The following YTHDC2 variants were observed in gnomAD, a reference collection of about 807,000 sequenced individuals.
YTHDC2 encodes the protein 3'-5' RNA helicase YTHDC2.
A neutral mutation model predicts 174.9 loss-of-function variants in YTHDC2; 45 were observed. That is an observed-to-expected ratio of 0.26 (90% CI 0.20 to 0.33). The LOEUF is 0.33. YTHDC2 is among the 10% of genes least tolerant of loss of function. The probability of loss-of-function intolerance (pLI) is 1.00; values close to 1 mark genes in which losing one functional copy is unlikely to be tolerated. For missense variants in YTHDC2, 1,650 were observed against 1,723.7 expected, an observed-to-expected ratio of 0.96 and a Z score of 0.76; for synonymous variants, 657 against 574.5, an observed-to-expected ratio of 1.14 and a Z score of -2.05.
At chr5:113,541,340 C>T (rs547525873) in intron 9 of YTHDC2, among the ~76,000 whole-genome samples, 19 of 151,922 alleles carry the variant, frequency 1.3e-4, no homozygotes, top group Non-Finnish European at 2.4e-4. Context: ...TATAGGCGCC[C>T]GCCACCATGT....
At chr5:113,587,618 A>G (rs1220694279) in intron 26 of YTHDC2, among the ~76,000 whole-genome samples, 1 of 146,476 alleles carries the variant, frequency 6.8e-6, no homozygotes, top group East Asian at 1.9e-4. Context: ...TATTATATAT[A>G]TATTTGCCAG....
At chr5:113,549,631 T>C (rs1167302303) in intron 12 of YTHDC2, among the ~76,000 whole-genome samples, 2 of 152,156 alleles carry the variant, frequency 1.3e-5, no homozygotes, top group African/African-American at 4.8e-5. Flanking sequence ...CAAATCTTTG[T>C]TCAGATTTTG....
intron 16 of YTHDC2, among the ~76,000 whole-genome samples, chr5:113,554,530 A>T (rs1776471464): frequency 6.6e-6 from 1 of 151,998 alleles, no homozygotes; most frequent in African/African-American, 2.4e-5. Context: ...AAATAGATAA[A>T]CCATGGGATA....
At chr5:113,529,833 T>C (rs1774532827) in intron 4 of YTHDC2, among the ~76,000 whole-genome samples, 1 of 152,220 alleles carries the variant, frequency 6.6e-6, no homozygotes, top group African/African-American at 2.4e-5. Context: ...TCAGTAGTTT[T>C]ACATTTTTAT....
At chr5:113,566,908 T>C (rs1004746545) in intron 21 of YTHDC2, among the ~76,000 whole-genome samples, 184 bp from the exon 22 acceptor site, 1 of 152,204 alleles carries the variant, frequency 6.6e-6, no homozygotes, top group Non-Finnish European at 1.5e-5. Flanking sequence ...ATGTTGGTTC[T>C]GTATCTGTTT....
intron 2 of YTHDC2, among the ~76,000 whole-genome samples, chr5:113,515,866 T>C (rs1034280668): frequency 3.3e-5 from 5 of 152,206 alleles, no homozygotes; most frequent in African/African-American, 1.2e-4. Flanking sequence ...ATGGAAGATA[T>C]GTGTTCTTTT....
At chr5:113,583,962 C>G (rs951780629) in intron 25 of YTHDC2, 2 of 162,934 alleles carry the variant, frequency 1.2e-5, no homozygotes, top group Middle Eastern at 2.8e-3. Context: ...AAATTCCTGA[C>G]TGCGATGTTT....
intron 26 of YTHDC2, among the ~76,000 whole-genome samples, chr5:113,590,322 C>T (rs1206133869): frequency 1.3e-5 from 2 of 152,162 alleles, no homozygotes; most frequent in East Asian, 3.8e-4. Context: ...AATTTAGTTC[C>T]AATACTAAGG....
intron 23 of YTHDC2, among the ~76,000 whole-genome samples, chr5:113,571,135 T>C (rs535694132): frequency 2.1e-4 from 32 of 152,346 alleles, no homozygotes; most frequent in African/African-American, 7.5e-4. Context: ...ATAGCTCTTA[T>C]TATTTTGAGA....
At chr5:113,588,179 A>C (rs62373769) in intron 26 of YTHDC2, among the ~76,000 whole-genome samples, 5,166 of 151,838 alleles carry the variant, frequency 0.034, 129 homozygotes, top group Non-Finnish European at 0.053. Flanking sequence ...TTCCTTTTCA[A>C]TCTGATTGCT....
chr5:113,586,873 C>CTA lies in YTHDC2; in HGVS notation c.3825+2407_3825+2408dup, dbSNP rs1191086634. 6.1e-3 allele frequency among the ~76,000 whole-genome samples: 776 copies of CTA among 127,386 alleles called. 19 individuals carry two copies. Among genetic ancestry groups the CTA allele is most frequent in the African/African-American group, 0.019 (633 of 33,116 alleles). 83.6% of individuals were successfully genotyped at this position (127,386 alleles called of 152,430 possible). A position where few individuals can be genotyped will look rare whatever the true frequency, so the allele number is the denominator to read the frequency against. ...TTAATATCTCTCTCTCTCTCTCTCT[C>CTA]TATATATATATATAATATATAAATA... On this transcript the variant is annotated intron_variant, in intron 26 of 29. Coordinates refer to ENST00000161863, the MANE Select transcript of YTHDC2 (RefSeq NM_022828.5).
chr5:113,515,919 A>G lies in YTHDC2; in HGVS notation c.278+557A>G, dbSNP rs1580460211. ...AGGTTCCCCTGGTGCTGTCTCTATT[A>G]AGAGTCTAGAGTGGTTTCTCTTGTT... On this transcript the variant is annotated intron_variant, in intron 2 of 29. Transcript: ENST00000161863. Among the ~76,000 whole-genome samples, 6 of 152,324 alleles carry G rather than the reference A, an allele frequency of 3.9e-5. 1 individual carries two copies. The South Asian group carries it at 1.2e-3, about 32-fold the overall frequency.
intron 2 of YTHDC2, among the ~76,000 whole-genome samples, chr5:113,523,039 A>G (rs967879544): frequency 4.1e-4 from 63 of 152,158 alleles, no homozygotes; most frequent in Admixed American, 4.0e-3. Flanking sequence ...AATCTAACTT[A>G]TTATTTCAGT....
rs1484305541 is a variant in YTHDC2, at chr5:113,567,249, A to C, written c.3000A>C (p.Lys1000Asn). 1 of 1,613,426 alleles carries C rather than the reference A, an allele frequency of 6.2e-7. No individual in the cohort carries two copies. Among genetic ancestry groups the C allele is most frequent in the South Asian group, 1.1e-5 (1 of 90,966 alleles). Residue 1000 changes from lysine (K) to asparagine (N), a missense_variant, in exon 22 of 30, where the codon AAA (lysine) becomes AAC (asparagine). Lys to Asn is a moderately conservative substitution (Grantham distance 94). Around this residue, in one of 5 missense-constraint regions of YTHDC2, gnomAD observed 913 missense variants for 940.4 expected, o/e 0.97. Coordinates refer to ENST00000161863, the MANE Select transcript of YTHDC2 (RefSeq NM_022828.5). ...TGTTGACAGGGCCAAAGGAGAAAAAAGTACGATTTCATCCTGCTTCAGTTC... is the reference window on the plus strand; with the variant it reads ...TGTTGACAGGGCCAAAGGAGAAAAACGTACGATTTCATCCTGCTTCAGTTC... ...NLVLTGPKEK[K>N]VRFHPASVLS...
At chr5:113,562,816 A>G (rs1247782741) in intron 18 of YTHDC2, among the ~76,000 whole-genome samples, 6 of 152,148 alleles carry the variant, frequency 3.9e-5, no homozygotes, top group Non-Finnish European at 7.3e-5. Flanking sequence ...ACTTGCTTAA[A>G]TCATATTTAC....
chr5:113,564,158 A>G (rs748932817), intron 20 of YTHDC2, 27 bp downstream of exon 20: 4 of 1,569,980 alleles, frequency 2.5e-6, no homozygotes, highest in Non-Finnish European at 3.5e-6. Flanking sequence ...TTTATTTCTG[A>G]AGACGTTGCT....
Position 113,515,382 on chromosome 5 carries a change from T to A in YTHDC2, c.278+20T>A, listed in dbSNP as rs1773340626. ...TAAAGGGTAAGCTGGTAGCTTTTCT[T>A]ATTTTTTTTAAAAAAGATTATTTGC... On this transcript the variant is annotated intron_variant, in intron 2 of 29. Coordinates refer to ENST00000161863, the MANE Select transcript of YTHDC2 (RefSeq NM_022828.5). 6.3e-7 allele frequency: 1 copy of A among 1,581,028 alleles called. No individual in the cohort carries two copies. The highest frequency in any genetic ancestry group is 1.4e-5 in the African/African-American group (1 of 73,006).
rs1441735647 is a variant in YTHDC2 at position 113,588,172 on chromosome 5, C to T, written c.3826-2869C>T. 3.3e-5 allele frequency among the ~76,000 whole-genome samples: 5 copies of T among 152,036 alleles called. No homozygotes were observed. The East Asian group carries it at 9.7e-4, about 29-fold the overall frequency. ...TAATAAAGATAATTTTACTCTTTTCCTTTTCAATCTGATTGCTGTTTATTT... is the reference window on the plus strand; with the variant it reads ...TAATAAAGATAATTTTACTCTTTTCTTTTTCAATCTGATTGCTGTTTATTT... On this transcript the variant is annotated intron_variant, in intron 26 of 29. Coordinates refer to ENST00000161863, the MANE Select transcript of YTHDC2 (RefSeq NM_022828.5).
chr5:113,556,803 G>T (rs186176908), intron 17 of YTHDC2, among the ~76,000 whole-genome samples: 64 of 152,272 alleles, frequency 4.2e-4, no homozygotes, highest in African/African-American at 1.2e-3. Flanking sequence ...TCCTGAGTAT[G>T]CTTGCACACG....
Sources: allele counts gnomAD v4.1 joint callset (sites outside exome capture counted in the v4.1 genomes callset), GRCh38; gene constraint gnomAD v4.1.1; regional missense constraint gnomAD v4.1.1; transcripts MANE v1.5; gene names NCBI Gene and HGNC (gene_info 2026-07-23, HGNC 2026-07-21).